The following NFE2L3 variants were observed in gnomAD, a reference collection of about 807,000 sequenced individuals.
NFE2L3 encodes the protein nuclear factor erythroid 2-related factor 3.
A neutral mutation model predicts 23.5 loss-of-function variants in NFE2L3; 18 were observed. The ratio of observed to expected loss-of-function variants is 0.77; its 90% CI spans 0.53 to 1.13. The LOEUF (loss-of-function observed/expected upper bound fraction) is 1.13. Ranked by LOEUF, NFE2L3 falls within the 50% of genes most tolerant of loss-of-function variation. NFE2L3 has a pLI of 0.00. For missense variants in NFE2L3, 1,152 were observed against 877.2 expected, an observed-to-expected ratio of 1.31 and a Z score of -3.96; for synonymous variants, 424 against 354.5, an observed-to-expected ratio of 1.20 and a Z score of -2.20.
intron 3 of NFE2L3, 132 bp from the exon 4 acceptor site, chr7:26,184,401 T>C: frequency 1.3e-6 from 1 of 774,228 alleles, no homozygotes; most frequent in Non-Finnish European, 2.1e-6. Context: ...ACTAGGAAGT[T>C]ACTGCCAACA....
chr7:26,152,460 G>A lies in NFE2L3; in HGVS notation c.-39G>A. ...CCCGGCGGCTGGGGCGCCGGGACCC[G>A]CGGGCGCCGGCAGGGGCGTTCCCGG... On this transcript the variant is annotated 5_prime_UTR_variant, in exon 1 of 4. Coordinates refer to ENST00000056233, the MANE Select transcript of NFE2L3 (RefSeq NM_004289.7). The surrounding 1 kb of genome is among the most constrained non-coding windows in gnomAD (Gnocchi z 4.4). 1 of 1,230,084 alleles carries A rather than the reference G, an allele frequency of 8.1e-7. No individual in the cohort carries two copies. Among genetic ancestry groups the A allele is most frequent in the Non-Finnish European group, 1.0e-6 (1 of 985,854 alleles). 76.2% of individuals were successfully genotyped at this position (1,230,084 alleles called of 1,614,324 possible).
chr7:26,163,704 C>T (rs1784205443), intron 1 of NFE2L3, among the ~76,000 whole-genome samples: 1 of 152,094 alleles, frequency 6.6e-6, no homozygotes, highest in African/African-American at 2.4e-5. Context: ...ATGTGCACAA[C>T]TTGCAGGTTT....
At position 26,152,575 on chromosome 7, in the gene NFE2L3, T is replaced by C. The variant is rs570339212; in HGVS notation, c.77T>C (p.Leu26Pro). The C allele has an allele frequency of 2.6e-6, 4 of 1,533,286 alleles. No individual in the cohort carries two copies. In the South Asian group the frequency reaches 4.8e-5, roughly 18 times the overall value. 95.0% of individuals were successfully genotyped at this position (1,533,286 alleles called of 1,614,324 possible). ...ACCCTCCTGCTGAGCTTGGCGGGGC[T>C]CCGCGTAGACCTAGATCTTTACCTG... ...HLTLLLSLAG[L>P]RVDLDLYLLL... The change falls in exon 1 of 4, where the codon CTC becomes CCC. Residue 26 changes from leucine (L) to proline (P), a missense_variant. Transcript: ENST00000056233. This position sits in a 1 kb window ranked among gnomAD's most constrained non-coding sequence, Gnocchi z 4.4.
At chr7:26,170,807 C>G (rs2128098796) in intron 1 of NFE2L3, among the ~76,000 whole-genome samples, 1 of 152,318 alleles carries the variant, frequency 6.6e-6, no homozygotes, top group African/African-American at 2.4e-5. Context: ...CTGCATGACT[C>G]AGTCCTTTTG....
At chr7:26,172,135 A>C (rs1053063503) in intron 1 of NFE2L3, among the ~76,000 whole-genome samples, 1 of 152,268 alleles carries the variant, frequency 6.6e-6, no homozygotes, top group Non-Finnish European at 1.5e-5. Flanking sequence ...TGAAAATATT[A>C]AAGTTTATAT....
intron 1 of NFE2L3, among the ~76,000 whole-genome samples, chr7:26,175,731 A>C (rs2128099214): frequency 6.6e-6 from 1 of 150,538 alleles, no homozygotes; most frequent in East Asian, 2.0e-4. Flanking sequence ...GTGAGCCAAG[A>C]TCGTGCCACT....
At chr7:26,155,766 C>T (rs532696722) in intron 1 of NFE2L3, among the ~76,000 whole-genome samples, 2 of 152,270 alleles carry the variant, frequency 1.3e-5, no homozygotes, top group East Asian at 3.9e-4. Flanking sequence ...CTGGTCTTTG[C>T]GGTCAGCTAG....
chr7:26,152,736 G>C lies in NFE2L3; in HGVS notation c.238G>C (p.Glu80Gln). 2.7e-6 allele frequency: 4 copies of C among 1,473,706 alleles called. No individual in the cohort carries two copies. The South Asian group carries it at 5.2e-5, about 19-fold the overall frequency. 91.3% of individuals were successfully genotyped at this position (1,473,706 alleles called of 1,614,324 possible). A position where few individuals can be genotyped will look rare whatever the true frequency, so the allele number is the denominator to read the frequency against. ...GGGCCACTTGCACCCCAAGGGCCGG[G>C]AGCTGGACCCTGCCGCGCCGCCCGA... ...RAGHLHPKGR[E>Q]LDPAAPPEGQ... The change falls in exon 1 of 4, where the codon GAG (glutamate) becomes CAG (glutamine). Residue 80 changes from glutamate to glutamine, a missense_variant. By Grantham distance (29) the Glu-to-Gln change is conservative. Coordinates refer to ENST00000056233, the MANE Select transcript of NFE2L3 (RefSeq NM_004289.7). This position sits in a 1 kb window ranked among gnomAD's most constrained non-coding sequence, Gnocchi z 4.4.
At chr7:26,166,463 G>C (rs2128098403) in intron 1 of NFE2L3, among the ~76,000 whole-genome samples, 1 of 152,312 alleles carries the variant, frequency 6.6e-6, no homozygotes, top group African/African-American at 2.4e-5. Flanking sequence ...CAGTACTGTG[G>C]CCAAGAGCTG....
rs1002085702 is a variant in NFE2L3 at position 26,152,735 on chromosome 7, G to A, written c.237G>A (p.Arg79=). The change falls in exon 1 of 4, where the codon CGG becomes CGA. Residue 79 remains arginine, a synonymous_variant. Coordinates refer to ENST00000056233, the MANE Select transcript of NFE2L3 (RefSeq NM_004289.7). This position sits in a 1 kb window ranked among gnomAD's most constrained non-coding sequence, Gnocchi z 4.4. ...CGGGCCACTTGCACCCCAAGGGCCG[G>A]GAGCTGGACCCTGCCGCGCCGCCCG... ...GRAGHLHPKG[R]ELDPAAPPEG... is the part of the protein sequence containing the mutation. 2.4e-5 allele frequency: 36 copies of A among 1,469,554 alleles called. No individual in the cohort carries two copies. The Middle Eastern group carries it at 1.2e-3, about 49-fold the overall frequency. The allele number at this position is 1,469,554 out of a possible 1,614,324, so 91.0% of individuals were successfully genotyped here. A position where few individuals can be genotyped will look rare whatever the true frequency, so the allele number is the denominator to read the frequency against.
Position 26,177,951 on chromosome 7 carries a change from G to C in NFE2L3, c.579G>C (p.Gly193=), listed in dbSNP as rs758094906. 27 of 1,611,298 alleles carry C rather than the reference G, an allele frequency of 1.7e-5. No homozygotes were observed. Among genetic ancestry groups the C allele is most frequent in the Non-Finnish European group, 1.9e-5 (22 of 1,179,234 alleles). ...ATTTCGTACTTTTATAGGAGAATGG[G>C]GTACTAAGAGAAAAGCACGAAGCTG... ...DAGGCASEEN[G]VLREKHEAVD... is the part of the protein sequence containing the mutation. Residue 193 remains glycine, a synonymous_variant, in exon 2 of 4, where the codon GGG becomes GGC. Coordinates refer to ENST00000056233, the MANE Select transcript of NFE2L3 (RefSeq NM_004289.7).
intron 2 of NFE2L3, among the ~76,000 whole-genome samples, chr7:26,181,794 C>A (rs868182946): frequency 6.6e-6 from 1 of 151,950 alleles, no homozygotes; most frequent in East Asian, 1.9e-4. Context: ...AGAAAAAGAT[C>A]TAGAAAAGAG....
At position 26,184,686 on chromosome 7, in the gene NFE2L3, G is replaced by C; in HGVS notation, c.988G>C (p.Asp330His). Residue 330 changes from aspartate to histidine, a missense_variant, in exon 4 of 4, where the codon GAT becomes CAT. Transcript: ENST00000056233. ...TTGTCCCAACAATACATTTAGAAGA[G>C]ATCCAACAGCAAGGACTTCACAGTC... ...LLCPNNTFRR[D>H]PTARTSQSQE... 6.2e-7 allele frequency: 1 copy of C among 1,613,884 alleles called. No individual in the cohort carries two copies. The highest frequency in any genetic ancestry group is 1.1e-5 in the South Asian group (1 of 91,076).
At chr7:26,162,494 T>C (rs1014051937) in intron 1 of NFE2L3, among the ~76,000 whole-genome samples, 5 of 152,062 alleles carry the variant, frequency 3.3e-5, no homozygotes, top group Non-Finnish European at 7.4e-5. Flanking sequence ...TAAGGAAAAA[T>C]ACAAAAAACA....
intron 2 of NFE2L3, among the ~76,000 whole-genome samples, chr7:26,179,308 C>T (rs781118698): frequency 3.3e-5 from 5 of 151,936 alleles, no homozygotes; most frequent in Non-Finnish European, 7.4e-5. Flanking sequence ...GGAGATCAGC[C>T]TGGGCAACAT....
At chr7:26,171,746 T>A (rs1275741563) in intron 1 of NFE2L3, among the ~76,000 whole-genome samples, 2 of 152,136 alleles carry the variant, frequency 1.3e-5, no homozygotes, top group South Asian at 2.1e-4. Context: ...GAATGTGAGA[T>A]CTGGCCAGGA....
At chr7:26,167,485 C>T (rs1784266905) in intron 1 of NFE2L3, among the ~76,000 whole-genome samples, 1 of 151,684 alleles carries the variant, frequency 6.6e-6, no homozygotes, top group Non-Finnish European at 1.5e-5. Flanking sequence ...GGCCCCAGCT[C>T]ACAAGTTTAC....
At chr7:26,183,347 AGACCAACTT>A in intron 2 of NFE2L3, among the ~76,000 whole-genome samples, 1 of 151,890 alleles carries the variant, frequency 6.6e-6, no homozygotes, top group Admixed American at 6.6e-5. Flanking sequence ...CAAAAGTTCG[AGACCAACTT>A]GGCCAACATG....
chr7:26,159,697 G>C (rs1250030880), intron 1 of NFE2L3, among the ~76,000 whole-genome samples: 3 of 152,218 alleles, frequency 2.0e-5, no homozygotes, highest in African/African-American at 4.8e-5. Context: ...AATGCCAACT[G>C]TCTGAGTGGA....
Sources: allele counts gnomAD v4.1 joint callset (sites outside exome capture counted in the v4.1 genomes callset), GRCh38; gene constraint gnomAD v4.1.1; non-coding constraint Gnocchi (gnomAD v3.1); transcripts MANE v1.5; gene names NCBI Gene and HGNC (gene_info 2026-07-23, HGNC 2026-07-21).